Variants in TRPS1 observed in about 807,000 individuals in gnomAD.
TRPS1 encodes the protein transcriptional repressor GATA binding 1.
In TRPS1, 6 loss-of-function variants were observed where a neutral mutation model predicts 101.2. That is an observed-to-expected ratio of 0.06 (90% confidence interval 0.03 to 0.12). The LOEUF (loss-of-function observed/expected upper bound fraction) is 0.12, where lower values mean the gene tolerates loss of function less well. Among genes scored for constraint, TRPS1 ranks in the 10% least tolerant of loss-of-function variants. The pLI, the probability that TRPS1 is intolerant of heterozygous loss-of-function variation, is 1.00. For missense variants in TRPS1, 1,363 were observed against 1,567.0 expected, an observed-to-expected ratio of 0.87 and a Z score of 2.20; for synonymous variants, 578 against 589.8, an observed-to-expected ratio of 0.98 and a Z score of 0.29.
chr8:115,474,559 T>C (rs549491720), intron 5 of TRPS1, among the ~76,000 whole-genome samples: 107 of 152,274 alleles, frequency 7.0e-4, no homozygotes, highest in African/African-American at 2.5e-3. Flanking sequence ...GTCAGTGAGA[T>C]GAGAGAACAG....
chr8:115,423,838 A>G (rs923825787), intron 5 of TRPS1, among the ~76,000 whole-genome samples: 5 of 152,140 alleles, frequency 3.3e-5, no homozygotes, highest in African/African-American at 4.8e-5. Flanking sequence ...TAAATTTTAA[A>G]TTGGGTCGGC....
At chr8:115,499,550 A>C (rs1431240954) in intron 5 of TRPS1, among the ~76,000 whole-genome samples, 1 of 152,178 alleles carries the variant, frequency 6.6e-6, no homozygotes, top group Non-Finnish European at 1.5e-5. Context: ...GATCTTTTAC[A>C]GATCAGATTT....
At chr8:115,435,893 A>G (rs1813436592) in intron 5 of TRPS1, among the ~76,000 whole-genome samples, 1 of 152,096 alleles carries the variant, frequency 6.6e-6, no homozygotes, top group Non-Finnish European at 1.5e-5. Flanking sequence ...AAGTAAGGTA[A>G]ATATACATGA....
intron 1 of TRPS1, among the ~76,000 whole-genome samples, chr8:115,652,275 A>T (rs1416971031): frequency 2.0e-5 from 3 of 152,198 alleles, no homozygotes; most frequent in African/African-American, 7.2e-5. Context: ...AGCAATGTCA[A>T]CAAACAGAGG....
intron 5 of TRPS1, among the ~76,000 whole-genome samples, chr8:115,535,511 C>CAT (rs897262986): frequency 1.2e-4 from 18 of 147,238 alleles, no homozygotes; most frequent in African/African-American, 4.0e-4. Flanking sequence ...ATATATAGCG[C>CAT]ATATATATAG....
At chr8:115,631,130 T>C (rs950815758) in intron 1 of TRPS1, among the ~76,000 whole-genome samples, 2 of 152,006 alleles carry the variant, frequency 1.3e-5, no homozygotes, top group African/African-American at 4.8e-5. Flanking sequence ...TGGATTCACT[T>C]CTACAAAGCC....
intron 5 of TRPS1, among the ~76,000 whole-genome samples, chr8:115,579,708 G>T (rs192015540): frequency 2.6e-5 from 4 of 152,128 alleles, no homozygotes; most frequent in Admixed American, 2.0e-4. Flanking sequence ...GGTTATTCAT[G>T]ATGTTACACA....
intron 5 of TRPS1, among the ~76,000 whole-genome samples, chr8:115,429,363 T>G (rs1049099715): frequency 2.6e-5 from 4 of 152,214 alleles, no homozygotes; most frequent in African/African-American, 9.6e-5. Context: ...TTGTCTTTGT[T>G]ATGTATACAT....
At position 115,433,725 on chromosome 8, in the gene TRPS1, T is replaced by C. The variant is rs141558919; in HGVS notation, c.2701-15273A>G. Among the ~76,000 whole-genome samples, 665 of 152,008 alleles carry C rather than the reference T, an allele frequency of 4.4e-3. 3 individuals are homozygous for C. Among genetic ancestry groups the C allele is most frequent in the Non-Finnish European group, 6.7e-3 (452 of 67,960 alleles). On this transcript the variant is annotated intron_variant, in intron 5 of 6. Coordinates refer to ENST00000395715, the MANE Select transcript of TRPS1 (RefSeq NM_014112.5). ...GTACTAAACGTACATATGAAAGCCA[T>C]TGTTAATTTCAATTACACTCTTAAT...
At chr8:115,622,763 C>T (rs1234734138) in intron 2 of TRPS1, among the ~76,000 whole-genome samples, 1 of 152,022 alleles carries the variant, frequency 6.6e-6, no homozygotes, top group African/African-American at 2.4e-5. Flanking sequence ...AGACAGGACT[C>T]ACAAAGAAAT....
intron 5 of TRPS1, among the ~76,000 whole-genome samples, chr8:115,470,329 T>A (rs1814435262): frequency 6.6e-6 from 1 of 152,204 alleles, no homozygotes; most frequent in Non-Finnish European, 1.5e-5. Context: ...GCTATCAGAA[T>A]TTGAAAATAT....
intron 5 of TRPS1, among the ~76,000 whole-genome samples, chr8:115,424,114 C>T (rs1365603698): frequency 6.6e-6 from 1 of 152,032 alleles, no homozygotes; most frequent in Non-Finnish European, 1.5e-5. Flanking sequence ...ATACTGAAAC[C>T]ATGTAATTAC....
At chr8:115,420,355 C>A (rs1189776431) in intron 5 of TRPS1, among the ~76,000 whole-genome samples, 2 of 152,206 alleles carry the variant, frequency 1.3e-5, no homozygotes, top group Non-Finnish European at 2.9e-5. Context: ...GCAAAGTAAG[C>A]TGGGAGCCTA....
intron 5 of TRPS1, among the ~76,000 whole-genome samples, chr8:115,440,661 G>A (rs1281944608): frequency 6.6e-6 from 1 of 152,152 alleles, no homozygotes; most frequent in Non-Finnish European, 1.5e-5. Context: ...TAATAAGTTT[G>A]TGTTGCTCTC....
At chr8:115,513,277 A>G (rs1046339027) in intron 5 of TRPS1, among the ~76,000 whole-genome samples, 1 of 151,724 alleles carries the variant, frequency 6.6e-6, no homozygotes, top group Non-Finnish European at 1.5e-5. Flanking sequence ...AGAAGGGAGA[A>G]TGATTGGTGT....
intron 5 of TRPS1, among the ~76,000 whole-genome samples, chr8:115,477,797 T>A (rs1460983685): frequency 6.7e-6 from 1 of 149,616 alleles, no homozygotes; most frequent in Non-Finnish European, 1.5e-5. Context: ...TTCTTCAATC[T>A]ACATTCTTTT....
chr8:115,667,269 A>G (rs1281034349), intron 1 of TRPS1, among the ~76,000 whole-genome samples: 3 of 152,162 alleles, frequency 2.0e-5, no homozygotes, highest in African/African-American at 7.2e-5. Flanking sequence ...AAACACCACC[A>G]TCTCAGACAG....
rs766070656 is a variant in TRPS1, at chr8:115,623,646, AG to A, written c.-10del. On this transcript the variant is annotated 5_prime_UTR_variant, in exon 2 of 7. Coordinates refer to ENST00000395715, the MANE Select transcript of TRPS1 (RefSeq NM_014112.5). ...TTGACTTCATAAGGCATGTGGCTTTAGAGTGCTTTTTACAATTATTAATTCT... is the reference window on the plus strand; with the variant it reads ...TTGACTTCATAAGGCATGTGGCTTTAAGTGCTTTTTACAATTATTAATTCT... 2.6e-6 allele frequency: 4 copies of A among 1,533,592 alleles called. No homozygotes were observed. The highest frequency in any genetic ancestry group is 3.5e-6 in the Non-Finnish European group (4 of 1,136,194). The allele number at this position is 1,533,592 out of a possible 1,614,324, so 95.0% of individuals were successfully genotyped here.
chr8:115,484,182 T>A (rs1017393654), intron 5 of TRPS1, among the ~76,000 whole-genome samples: 2 of 152,030 alleles, frequency 1.3e-5, no homozygotes, highest in Non-Finnish European at 2.9e-5. Context: ...GCATACTACA[T>A]CCAAACTAGA....
Sources: gnomAD v4.1 joint callset for allele counts (sites outside exome capture counted in the v4.1 genomes callset) on GRCh38, gnomAD v4.1.1 for gene constraint, MANE v1.5 for transcripts, NCBI Gene and HGNC (gene_info 2026-07-23, HGNC 2026-07-21) for gene names.